Variants in PLAAT2 observed in about 807,000 individuals in gnomAD.
PLAAT2 encodes HRAS like suppressor 2.
A neutral mutation model predicts 12.8 loss-of-function variants in PLAAT2; 12 were observed. The ratio of observed to expected loss-of-function variants is 0.94; its 90% CI spans 0.60 to 1.52. PLAAT2 has a LOEUF of 1.52. Among genes scored for constraint, PLAAT2 ranks in the 40% most tolerant of loss-of-function variants. PLAAT2 has a pLI of 0.00. For missense variants in PLAAT2, 166 were observed against 208.1 expected (o/e 0.80, Z 1.24); for synonymous variants, 79 against 86.8 (o/e 0.91, Z 0.50).
upstream of PLAAT2, among the ~76,000 whole-genome samples, chr11:63,563,536 G>A (rs1262208503): frequency 6.6e-6 from 1 of 151,872 alleles, no homozygotes; most frequent in Non-Finnish European, 1.5e-5. Flanking sequence ...GACTAACACG[G>A]TGAAACCCCG....
chr11:63,563,715 C>CA (rs35852892), upstream of PLAAT2, among the ~76,000 whole-genome samples: 19,647 of 55,652 alleles, frequency 0.35, 3,313 homozygotes, highest in African/African-American at 0.44. Flanking sequence ...GAGACTCAGT[C>CA]AAAAAAAAAA....
intron 3 of PLAAT2, among the ~76,000 whole-genome samples, chr11:63,557,200 A>G (rs1392422327): frequency 6.6e-6 from 1 of 152,150 alleles, no homozygotes; most frequent in Non-Finnish European, 1.5e-5. Flanking sequence ...AAAGTGTTTG[A>G]TGTCATCTAA....
At chr11:63,563,834 C>G (rs993733998), upstream of PLAAT2, among the ~76,000 whole-genome samples, 21 of 151,300 alleles carry the variant, frequency 1.4e-4, no homozygotes, top group African/African-American at 5.1e-4. Context: ...ATCAGCCAGA[C>G]AGAAGAGGAA....
chr11:63,553,649 TAAAA>T (rs2017439016), intron 3 of PLAAT2, among the ~76,000 whole-genome samples: 1 of 152,064 alleles, frequency 6.6e-6, no homozygotes, highest in Non-Finnish European at 1.5e-5. Flanking sequence ...GTCCCTGTCT[TAAAA>T]AATAACAATA....
Position 63,563,319 on chromosome 11 carries a change from A to T in PLAAT2, c.6T>A (p.Ala2=). The T allele has an allele frequency of 6.2e-7, 1 of 1,614,146 alleles. No individual in the cohort carries two copies. Among genetic ancestry groups the T allele is most frequent in the Non-Finnish European group, 8.5e-7 (1 of 1,180,028 alleles). ...AAAACCGTTTCTGGGGACTTACCAA[A>T]GCCATCCTTCCTTCAAGATGATGTC... The part of the protein sequence containing the change: M[A]LARPRPRLGD... The change falls in exon 1 of 4, where the codon GCT becomes GCA. Residue 2 remains alanine, a synonymous_variant. Transcript: ENST00000255695.
At chr11:63,563,447 G>A (rs546009634), upstream of PLAAT2, 297 of 1,209,942 alleles carry the variant, frequency 2.5e-4, 4 homozygotes, top group South Asian at 3.0e-3. Context: ...GGCTGGGTGC[G>A]GTGGCTCACA....
chr11:63,562,842 G>GA (rs1200545746), intron 1 of PLAAT2, among the ~76,000 whole-genome samples: 1 of 152,176 alleles, frequency 6.6e-6, no homozygotes, highest in Non-Finnish European at 1.5e-5. Flanking sequence ...GCCTGGAGGC[G>GA]AGGGAGACAG....
chr11:63,559,817 C>T (rs1256867244), intron 2 of PLAAT2, among the ~76,000 whole-genome samples: 2 of 152,132 alleles, frequency 1.3e-5, no homozygotes, highest in African/African-American at 4.8e-5. Context: ...CATAGGAGAT[C>T]CCACGGAGGG....
chr11:63,557,527 T>C (rs760482150), intron 3 of PLAAT2, among the ~76,000 whole-genome samples: 6 of 151,756 alleles, frequency 4.0e-5, no homozygotes, highest in Non-Finnish European at 8.8e-5. Context: ...AGTGAGACTC[T>C]GTATCAAAAA....
intron 3 of PLAAT2, among the ~76,000 whole-genome samples, chr11:63,557,059 A>G (rs2017472825): frequency 6.6e-6 from 1 of 152,208 alleles, no homozygotes; most frequent in African/African-American, 2.4e-5. Flanking sequence ...CACGGAAGAC[A>G]TTTTTCCCTA....
intron 3 of PLAAT2, 87 bp downstream of exon 3, chr11:63,558,305 C>T (rs1590670258): frequency 1.4e-6 from 2 of 1,453,072 alleles, no homozygotes; most frequent in East Asian, 4.6e-5. Context: ...CTATTTCCAT[C>T]CCACCCTGGC....
upstream of PLAAT2, among the ~76,000 whole-genome samples, chr11:63,565,042 G>A (rs768964236): frequency 4.6e-5 from 7 of 152,118 alleles, no homozygotes; most frequent in Non-Finnish European, 8.8e-5. Context: ...TAGGAAAGGA[G>A]AGTCTGCAAA....
chr11:63,559,388 CAGT>C (rs1348513716), intron 2 of PLAAT2, among the ~76,000 whole-genome samples: 1 of 152,020 alleles, frequency 6.6e-6, no homozygotes, highest in African/African-American at 2.4e-5. Context: ...CATTTTGAAA[CAGT>C]AGGAAAGGAA....
chr11:63,563,437 G>C (rs1316230773), upstream of PLAAT2: 6 of 1,360,668 alleles, frequency 4.4e-6, no homozygotes, highest in Non-Finnish European at 5.2e-6. Flanking sequence ...TCAGAACATA[G>C]GCTGGGTGCG....
In PLAAT2 at chr11:63,552,814, T is replaced by A; in HGVS notation, c.*150A>T. ...TTAATAGAATTCATACTAAGCTGCA[T>A]TTCCAAATACATTTTCCTGTGCTTT... On this transcript the variant is annotated 3_prime_UTR_variant, in exon 4 of 4. Transcript: ENST00000255695. 1.6e-6 allele frequency: 1 copy of A among 610,582 alleles called. No homozygotes were observed. Among genetic ancestry groups the A allele is most frequent in the Non-Finnish European group, 2.9e-6 (1 of 340,370 alleles). The allele number at this position is 610,582 out of a possible 1,614,324, so 37.8% of individuals were successfully genotyped here. A position where few individuals can be genotyped will look rare whatever the true frequency, so the allele number is the denominator to read the frequency against.
intron 1 of PLAAT2, among the ~76,000 whole-genome samples, chr11:63,561,780 C>A (rs190973566): frequency 3.3e-5 from 5 of 151,538 alleles, no homozygotes; most frequent in Non-Finnish European, 5.9e-5. Flanking sequence ...TGTTCCCCCC[C>A]AGAACCTCGA....
intron 3 of PLAAT2, among the ~76,000 whole-genome samples, chr11:63,557,957 C>T (rs917550958): frequency 5.9e-5 from 9 of 152,152 alleles, no homozygotes; most frequent in Non-Finnish European, 1.2e-4. Context: ...CTTCCTTGAT[C>T]GGGGCCCTTG....
At position 63,558,556 on chromosome 11, in the gene PLAAT2, T is replaced by C. The variant is rs1370251635; in HGVS notation, c.223A>G (p.Arg75Gly). ...LSVVAGGDNY[R>G]VNNKHDDRYT... Reference sequence around the variant, plus strand: ...CTGTCATCGTGCTTGTTATTGACCCTGTAGTTGTCTCCCCCAGCCACCACA... The same window carrying C: ...CTGTCATCGTGCTTGTTATTGACCCCGTAGTTGTCTCCCCCAGCCACCACA... Residue 75 changes from arginine (R) to glycine (G), a missense_variant, in exon 3 of 4, where the codon AGG (arginine) becomes GGG (glycine). By Grantham distance (125) the Arg-to-Gly change is moderately radical (BLOSUM62 -2). Coordinates refer to ENST00000255695, the MANE Select transcript of PLAAT2 (RefSeq NM_017878.2). The C allele has an allele frequency of 6.2e-7, 1 of 1,614,264 alleles. No homozygotes were observed. The highest frequency in any genetic ancestry group is 1.6e-4 in the Middle Eastern group (1 of 6,062).
chr11:63,558,622 C>A lies in PLAAT2; in HGVS notation c.157G>T (p.Ala53Ser), dbSNP rs769602123. Residue 53 changes from alanine to serine, a missense_variant, in exon 3 of 4, where the codon GCC becomes TCC. Coordinates refer to ENST00000255695, the MANE Select transcript of PLAAT2 (RefSeq NM_017878.2). ...AGAGAASVLS[A>S]LTNKAIVKKE... Reference sequence around the variant, plus strand: ...TTCACTATGGCTTTGTTGGTCAGGGCAGACAGGACACTGGCCGCACCAGCT... The same window carrying A: ...TTCACTATGGCTTTGTTGGTCAGGGAAGACAGGACACTGGCCGCACCAGCT... 2 of 1,614,208 alleles carry A rather than the reference C, an allele frequency of 1.2e-6. No homozygotes were observed. Among genetic ancestry groups the A allele is most frequent in the South Asian group, 2.2e-5 (2 of 91,090 alleles).
Sources: gnomAD v4.1 joint callset for allele counts (sites outside exome capture counted in the v4.1 genomes callset) on GRCh38, gnomAD v4.1.1 for gene constraint, MANE v1.5 for transcripts, NCBI Gene and HGNC (gene_info 2026-07-23, HGNC 2026-07-21) for gene names.